OR9K2: variants seen among roughly 807,000 people sequenced by gnomAD.
OR9K2 encodes olfactory receptor 9K2.
In OR9K2, 16 loss-of-function variants were observed where a neutral mutation model predicts 12.4. That is an observed-to-expected ratio of 1.29 (90% CI 0.87 to 1.95). OR9K2 has a LOEUF of 1.95. OR9K2 is among the 30% of genes most tolerant of loss of function. OR9K2 has a pLI of 0.00. For synonymous variants in OR9K2, 133 were observed against 133.2 expected (o/e 1.00, Z 0.01); for missense variants, 434 against 376.5 (o/e 1.15, Z -1.26).
rs1376215290 is a variant in OR9K2, at chr12:55,130,921, C to A, written c.*145C>A. ...CTCTTTCCATATTTTACTTTTTTAC[C>A]TCCCAAGACATCATTAATTCTGAAA... On this transcript the variant is annotated 3_prime_UTR_variant, in exon 3 of 3. Coordinates refer to ENST00000641329, the MANE Select transcript of OR9K2 (RefSeq NM_001005243.2). The A allele has an allele frequency of 5.3e-6, 3 of 564,640 alleles. No homozygotes were observed. The highest frequency in any genetic ancestry group is 9.2e-6 in the Non-Finnish European group (3 of 324,914). The allele number at this position is 564,640 out of a possible 1,614,324, so 35.0% of individuals were successfully genotyped here. A position where few individuals can be genotyped will look rare whatever the true frequency, so the allele number is the denominator to read the frequency against.
At position 55,132,083 on chromosome 12, in the gene OR9K2, C is replaced by A. The variant is rs1042567375; in HGVS notation, c.*1307C>A. On this transcript the variant is annotated 3_prime_UTR_variant, in exon 3 of 3. Coordinates refer to ENST00000641329, the MANE Select transcript of OR9K2 (RefSeq NM_001005243.2). ...CAGAAAACCTGAAATAAAGGGGGAACTTTCTTGCCTTGATGAACATGTATG... is the reference window on the plus strand; with the variant it reads ...CAGAAAACCTGAAATAAAGGGGGAAATTTCTTGCCTTGATGAACATGTATG... 1 of 152,190 alleles carries A rather than the reference C, an allele frequency of 6.6e-6. No homozygotes were observed. Among genetic ancestry groups the A allele is most frequent in the East Asian group, 1.9e-4 (1 of 5,180 alleles). 9.4% of individuals were successfully genotyped at this position (152,190 alleles called of 1,614,324 possible).
In OR9K2 at chr12:55,131,549, T is replaced by G. The variant is rs1423296336; in HGVS notation, c.*773T>G. On this transcript the variant is annotated 3_prime_UTR_variant, in exon 3 of 3. Transcript: ENST00000641329. The stretch of plus-strand genomic sequence containing the variant: ...ATCAAAACGGATTATGATCCAAAAT[T>G]TACTTATCTATGCCTCTTAATATAG... 6.6e-6 allele frequency: 1 copy of G among 152,206 alleles called. No homozygotes were observed. The highest frequency in any genetic ancestry group is 2.4e-5 in the African/African-American group (1 of 41,454). 9.4% of individuals were successfully genotyped at this position (152,206 alleles called of 1,614,324 possible).
intron 2 of OR9K2, among the ~76,000 whole-genome samples, 166 bp downstream of exon 2, chr12:55,127,077 AT>A (rs1486407080): frequency 1.3e-5 from 2 of 151,972 alleles, no homozygotes; most frequent in African/African-American, 4.8e-5. Context: ...TATGATATAA[AT>A]TTATTTTAAT....
chr12:55,129,701 A>C, intron 2 of OR9K2, 125 bp from the exon 3 acceptor site: 1 of 1,198,908 alleles, frequency 8.3e-7, no homozygotes, highest in Non-Finnish European at 1.2e-6. Flanking sequence ...CTTATGAGGC[A>C]AAAATTAATA....
intron 2 of OR9K2, 54 bp from the exon 3 acceptor site, chr12:55,129,772 C>G (rs1592489600): frequency 6.3e-7 from 1 of 1,598,406 alleles, no homozygotes; most frequent in Non-Finnish European, 8.6e-7. Flanking sequence ...ATTTGTAATG[C>G]TAGGATCCAA....
chr12:55,130,180 T>C lies in OR9K2; in HGVS notation c.346T>C (p.Phe116Leu), dbSNP rs1409506215. ...TGCCCTCCTCATTGTGACTGAGGGATTTCTCCTGGCGGCCATGGCTTATGA... is the reference window on the plus strand; with the variant it reads ...TGCCCTCCTCATTGTGACTGAGGGACTTCTCCTGGCGGCCATGGCTTATGA... ...LFALLIVTEG[F>L]LLAAMAYDRF... Residue 116 changes from phenylalanine to leucine, a missense_variant, in exon 3 of 3, where the codon TTT (phenylalanine) becomes CTT (leucine). Phe to Leu is a conservative substitution (Grantham distance 22). Transcript: ENST00000641329. 2 of 1,614,058 alleles carry C rather than the reference T, an allele frequency of 1.2e-6. No individual in the cohort carries two copies. The highest frequency in any genetic ancestry group is 2.2e-5 in the South Asian group (2 of 91,082).
chr12:55,130,974 A>G lies in OR9K2; in HGVS notation c.*198A>G. The G allele has an allele frequency of 2.3e-6, 1 of 438,102 alleles. No individual in the cohort carries two copies. Among genetic ancestry groups the G allele is most frequent in the Non-Finnish European group, 4.0e-6 (1 of 247,478 alleles). The allele number at this position is 438,102 out of a possible 1,614,324, so 27.1% of individuals were successfully genotyped here. ...CTTGGATATTGGAGATATCCTGGAC[A>G]TTAGAGAAGTATTTTCATGATAAAC... On this transcript the variant is annotated 3_prime_UTR_variant, in exon 3 of 3. Coordinates refer to ENST00000641329, the MANE Select transcript of OR9K2 (RefSeq NM_001005243.2).
At chr12:55,128,918 T>G (rs1393125249) in intron 2 of OR9K2, among the ~76,000 whole-genome samples, 6 of 152,024 alleles carry the variant, frequency 3.9e-5, no homozygotes, top group Non-Finnish European at 4.4e-5. Context: ...GCAAGTCACA[T>G]GGACACATAG....
chr12:55,130,095 C>G lies in OR9K2; in HGVS notation c.261C>G (p.Asn87Lys), dbSNP rs756209456. ...SSVIEPKAMINFWSENKSISF... is the reference protein window; with the variant it reads ...SSVIEPKAMIKFWSENKSISF... ...TTATTGAACCCAAGGCTATGATCAACTTCTGGTCTGAAAACAAGTCTATCT... is the reference window on the plus strand; with the variant it reads ...TTATTGAACCCAAGGCTATGATCAAGTTCTGGTCTGAAAACAAGTCTATCT... The change falls in exon 3 of 3, where the codon AAC (asparagine) becomes AAG (lysine). Residue 87 changes from asparagine to lysine, a missense_variant. Transcript: ENST00000641329. The G allele has an allele frequency of 6.2e-7, 1 of 1,613,188 alleles. No individual in the cohort carries two copies. The highest frequency in any genetic ancestry group is 1.1e-5 in the South Asian group (1 of 91,088).
intron 2 of OR9K2, 149 bp from the exon 3 acceptor site, chr12:55,129,677 T>A: frequency 1.2e-6 from 1 of 863,172 alleles, no homozygotes. Context: ...TGATTGGCTT[T>A]AAGTCACAGT....
intron 2 of OR9K2, among the ~76,000 whole-genome samples, chr12:55,127,269 TTAA>T (rs1225273039): frequency 5.9e-5 from 9 of 151,880 alleles, no homozygotes; most frequent in Middle Eastern, 3.4e-3. Context: ...ATAATTACTA[TTAA>T]TAATAATATT....
chr12:55,126,668 G>A (rs1190042823), intron 1 of OR9K2, among the ~76,000 whole-genome samples, 152 bp downstream of exon 1: 3 of 152,062 alleles, frequency 2.0e-5, no homozygotes, highest in Non-Finnish European at 2.9e-5. Flanking sequence ...TTAAAATAGA[G>A]CAATGAGGCA....
Position 55,130,739 on chromosome 12 carries a change from T to TA in OR9K2, c.912dup (p.Phe305IlefsTer25). Reference sequence around the variant, plus strand: ...AGGAACAAAGATGTCCAAGAGGCTCTAAAAAAATTTCTAGAGAAGAAAAAT... The same window carrying TA: ...AGGAACAAAGATGTCCAAGAGGCTCTAAAAAAAATTTCTAGAGAAGAAAAAT... On this transcript the variant is annotated frameshift_variant, in exon 3 of 3. Transcript: ENST00000641329. LOFTEE classifies it high-confidence loss of function. 1 of 1,575,222 alleles carries TA rather than the reference T, an allele frequency of 6.3e-7. No homozygotes were observed. Among genetic ancestry groups the TA allele is most frequent in the Non-Finnish European group, 8.6e-7 (1 of 1,160,502 alleles).
At position 55,130,227 on chromosome 12, in the gene OR9K2, C is replaced by A. The variant is rs777022303; in HGVS notation, c.393C>A (p.Asn131Lys). ...MAYDRFIAIC[N>K]PLLYSVQMST... ...ATGACCGCTTTATTGCCATCTGCAA[C>A]CCTCTGCTCTACTCTGTTCAAATGT... Residue 131 changes from asparagine (N) to lysine (K), a missense_variant, in exon 3 of 3, where the codon AAC becomes AAA. Coordinates refer to ENST00000641329, the MANE Select transcript of OR9K2 (RefSeq NM_001005243.2). 3.1e-6 allele frequency: 5 copies of A among 1,613,994 alleles called. No homozygotes were observed. The highest frequency in any genetic ancestry group is 3.4e-6 in the Non-Finnish European group (4 of 1,180,000).
intron 2 of OR9K2, among the ~76,000 whole-genome samples, chr12:55,128,846 A>G (rs1953447131): frequency 6.6e-6 from 1 of 152,194 alleles, no homozygotes; most frequent in African/African-American, 2.4e-5. Context: ...TGCAGTATTA[A>G]TTCCTAAAGT....
At position 55,129,557 on chromosome 12, in the gene OR9K2, G is replaced by T. The variant is rs1382270069; in HGVS notation, c.-9-269G>T. 5.6e-6 allele frequency: 3 copies of T among 534,880 alleles called. No homozygotes were observed. The African/African-American group carries it at 5.7e-5, about 10-fold the overall frequency. The allele number at this position is 534,880 out of a possible 1,614,324, so 33.1% of individuals were successfully genotyped here. ...GTATAAAGAAGTGATACTTGGAAAT[G>T]TGAAAGGCATTTGGGTAGAAAGGCA... On this transcript the variant is annotated intron_variant, in intron 2 of 2. Coordinates refer to ENST00000641329, the MANE Select transcript of OR9K2 (RefSeq NM_001005243.2).
rs913861914 is a variant in OR9K2, at chr12:55,131,914, A to AT, written c.*1144dup. The AT allele has an allele frequency of 3.3e-5, 5 of 152,180 alleles. No individual in the cohort carries two copies. Among genetic ancestry groups the AT allele is most frequent in the African/African-American group, 1.2e-4 (5 of 41,442 alleles). The allele number at this position is 152,180 out of a possible 1,614,324, so 9.4% of individuals were successfully genotyped here. A position where few individuals can be genotyped will look rare whatever the true frequency, so the allele number is the denominator to read the frequency against. On this transcript the variant is annotated 3_prime_UTR_variant, in exon 3 of 3. Transcript: ENST00000641329. ...TGTCGATATTAATGAACAAAGGCAGATTTTTTAAACTGCAGGTAAAAGACC... is the reference window on the plus strand; with the variant it reads ...TGTCGATATTAATGAACAAAGGCAGATTTTTTTAAACTGCAGGTAAAAGACC...
intron 2 of OR9K2, among the ~76,000 whole-genome samples, chr12:55,127,384 T>C (rs1354661920): frequency 6.6e-6 from 1 of 151,870 alleles, no homozygotes; most frequent in Non-Finnish European, 1.5e-5. Context: ...ATTATATATA[T>C]TATTTTTCAA....
chr12:55,130,886 A>C lies in OR9K2; in HGVS notation c.*110A>C. The stretch of plus-strand genomic sequence containing the variant: ...CATAAAAATACTCTTAGATGTTTTC[A>C]TGTGATGTGCTCTTTCCATATTTTA... On this transcript the variant is annotated 3_prime_UTR_variant, in exon 3 of 3. Transcript: ENST00000641329. 1.5e-6 allele frequency: 1 copy of C among 659,442 alleles called. No homozygotes were observed. Among genetic ancestry groups the C allele is most frequent in the East Asian group, 2.8e-5 (1 of 36,256 alleles). 40.8% of individuals were successfully genotyped at this position (659,442 alleles called of 1,614,324 possible). A position where few individuals can be genotyped will look rare whatever the true frequency, so the allele number is the denominator to read the frequency against.
Sources: gnomAD v4.1 joint callset for allele counts (sites outside exome capture counted in the v4.1 genomes callset) on GRCh38, gnomAD v4.1.1 for gene constraint, MANE v1.5 for transcripts, NCBI Gene and HGNC (gene_info 2026-07-23, HGNC 2026-07-21) for gene names.